TMOD4: variants seen among roughly 807,000 people sequenced by gnomAD.
TMOD4 encodes the protein tropomodulin 4.
A neutral mutation model predicts 45.4 loss-of-function variants in TMOD4; 34 were observed. The observed-to-expected ratio is 0.75, with a 90% CI of 0.57 to 1.00. TMOD4 has a LOEUF of 1.00. Ranked by LOEUF, TMOD4 falls within the 50% of genes least tolerant of loss-of-function variation. The pLI, the probability that TMOD4 is intolerant of heterozygous loss-of-function variation, is 0.00. For missense variants in TMOD4, 399 were observed against 437.5 expected (o/e 0.91, Z 0.78); for synonymous variants, 131 against 153.9 (o/e 0.85, Z 1.10).
intron 3 of TMOD4, among the ~76,000 whole-genome samples, chr1:151,173,933 C>T (rs182059757): frequency 2.0e-4 from 29 of 145,374 alleles, no homozygotes; most frequent in African/African-American, 2.8e-4. Context: ...AAAAAATTAG[C>T]GGCCGGGCAC....
chr1:151,171,178 G>A (rs1683941705), intron 7 of TMOD4, 115 bp from the exon 8 acceptor site: 2 of 1,227,458 alleles, frequency 1.6e-6, no homozygotes, highest in Non-Finnish European at 2.3e-6. Context: ...TTCAGGTGCT[G>A]TAAATGGAGC....
chr1:151,171,412 G>T, intron 7 of TMOD4, 21 bp downstream of exon 7: 1 of 1,597,660 alleles, frequency 6.3e-7, no homozygotes, highest in Non-Finnish European at 8.6e-7. Context: ...GGAGAGGGCT[G>T]GGGATGTCAA....
intron 3 of TMOD4, among the ~76,000 whole-genome samples, 181 bp downstream of exon 3, chr1:151,174,210 C>T (rs1375239831): frequency 6.6e-6 from 1 of 151,590 alleles, no homozygotes; most frequent in East Asian, 1.9e-4. Context: ...AGTGAGACTC[C>T]GTCTCAAACA....
At chr1:151,174,577 G>A (rs1558210386) in intron 2 of TMOD4, 30 bp from the exon 3 acceptor site, 1 of 1,611,820 alleles carries the variant, frequency 6.2e-7, no homozygotes, top group East Asian at 2.2e-5. Context: ...GAGCAAGTCA[G>A]ACCTCCCCTC....
chr1:151,173,724 A>G, intron 3 of TMOD4, 109 bp from the exon 4 acceptor site: 2 of 800,216 alleles, frequency 2.5e-6, no homozygotes, highest in South Asian at 3.0e-5. Context: ...ACGAAGGGAC[A>G]CTGGAAAGCC....
At chr1:151,170,364 G>T in intron 9 of TMOD4, 155 bp downstream of exon 9, 1 of 1,236,898 alleles carries the variant, frequency 8.1e-7, no homozygotes, top group Non-Finnish European at 1.1e-6. Context: ...GGAGTTTTCT[G>T]TTTACTTTCT....
In TMOD4 at chr1:151,171,656, C is replaced by T. The variant is rs1425557899; in HGVS notation, c.595G>A (p.Glu199Lys). 1.9e-6 allele frequency: 3 copies of T among 1,614,008 alleles called. No individual in the cohort carries two copies. The highest frequency in any genetic ancestry group is 2.2e-5 in the South Asian group (2 of 91,082). Residue 199 changes from glutamate (E) to lysine (K), a missense_variant, in exon 6 of 10, where the codon GAG (glutamate) becomes AAG (lysine). Physicochemically the swap from Glu to Lys is moderately conservative, Grantham distance 56 (BLOSUM62 1). Transcript: ENST00000295314. ...RVRSNDKELEEVNLNNIQDIP... is the reference protein window; with the variant it reads ...RVRSNDKELEKVNLNNIQDIP... ...ACCTGTATATTATTCAAGTTCACCT[C>T]CTCCAGCTCCTTGTCATTGCTTCGG...
intron 8 of TMOD4, 114 bp downstream of exon 8, chr1:151,170,806 G>GA: frequency 6.6e-7 from 1 of 1,516,216 alleles, no homozygotes; most frequent in Non-Finnish European, 8.9e-7. Context: ...CCCTCACAGA[G>GA]ACAATGAAGA....
chr1:151,170,043 A>C lies in TMOD4; in HGVS notation c.*38T>G. 2 of 1,613,146 alleles carry C rather than the reference A, an allele frequency of 1.2e-6. No individual in the cohort carries two copies. The highest frequency in any genetic ancestry group is 1.7e-6 in the Non-Finnish European group (2 of 1,179,090). On this transcript the variant is annotated 3_prime_UTR_variant, in exon 10 of 10. Transcript: ENST00000295314. Reference sequence around the variant, plus strand: ...AGGACAGATGAGGATTTAAGTGTCCAGTGCTCCCAGCGCTAGTTGGTAAAG... The same window carrying C: ...AGGACAGATGAGGATTTAAGTGTCCCGTGCTCCCAGCGCTAGTTGGTAAAG...
intron 1 of TMOD4, chr1:151,175,243 G>A (rs1350466214): frequency 4.8e-6 from 1 of 208,122 alleles, no homozygotes; most frequent in Non-Finnish European, 9.8e-6. Context: ...CACAGCTGCT[G>A]GAAGCCCTGC....
In TMOD4 at chr1:151,171,523, C is replaced by T; in HGVS notation, c.636G>A (p.Met212Ile). 1.2e-6 allele frequency: 2 copies of T among 1,614,150 alleles called. No individual in the cohort carries two copies. The highest frequency in any genetic ancestry group is 1.7e-6 in the Non-Finnish European group (2 of 1,180,038). ...TCATTGCCTCACACAGCTCACTTAG[C>T]ATGGGTATTGGGATGTCCTATCGGA... ...LNNIQDIPIP[M>I]LSELCEAMKA... The change falls in exon 7 of 10, where the codon ATG becomes ATA. Residue 212 changes from methionine to isoleucine, a missense_variant. By Grantham distance (10) the Met-to-Ile change is conservative. Coordinates refer to ENST00000295314, the MANE Select transcript of TMOD4 (RefSeq NM_013353.3).
At position 151,171,680 on chromosome 1, in the gene TMOD4, G is replaced by T; in HGVS notation, c.571C>A (p.Arg191=). The change falls in exon 6 of 10, where the codon CGA becomes AGA. Residue 191 remains arginine, a synonymous_variant. Coordinates refer to ENST00000295314, the MANE Select transcript of TMOD4 (RefSeq NM_013353.3). ...TCCTCCAGCTCCTTGTCATTGCTTC[G>T]GACCCTCTTTAGTATCTCCTCAATG... The part of the protein sequence containing the change: ...TNIEEILKRV[R]SNDKELEEVN... 1 of 1,613,996 alleles carries T rather than the reference G, an allele frequency of 6.2e-7. No homozygotes were observed. Among genetic ancestry groups the T allele is most frequent in the Non-Finnish European group, 8.5e-7 (1 of 1,180,004 alleles).
At position 151,170,078 on chromosome 1, in the gene TMOD4, G is replaced by GTGT. The variant is rs766079291; in HGVS notation, c.1038_*2dup. ...GCGCTAGTTGGTAAAGGGAAATGCA[G>GTGT]TGTTATCTCTTCTTTTGCTGGCGAC... On this transcript the variant is annotated 3_prime_UTR_variant, in exon 10 of 10. Coordinates refer to ENST00000295314, the MANE Select transcript of TMOD4 (RefSeq NM_013353.3). 51 of 1,614,158 alleles carry GTGT rather than the reference G, an allele frequency of 3.2e-5. 1 individual carries two copies. Among genetic ancestry groups the GTGT allele is most frequent in the Non-Finnish European group, 4.2e-5 (50 of 1,180,006 alleles).
At chr1:151,175,333 CCT>C (rs1684069629) in intron 1 of TMOD4, 1 of 155,800 alleles carries the variant, frequency 6.4e-6, no homozygotes, top group Non-Finnish European at 1.4e-5. Context: ...GGAAATTCCT[CCT>C]CTCCTCCTCA....
At position 151,174,927 on chromosome 1, in the gene TMOD4, A is replaced by G; in HGVS notation, c.-42-10T>C. 6.2e-7 allele frequency: 1 copy of G among 1,611,262 alleles called. No homozygotes were observed. ...GTGGTACTCACAGAGCCTGGGCAAC[A>G]TGGGACAAAAGGATGGACAATGGTA... On this transcript the variant is annotated splice_polypyrimidine_tract_variant and intron_variant, in intron 1 of 9. Transcript: ENST00000295314.
chr1:151,171,795 C>A, intron 5 of TMOD4, 32 bp from the exon 6 acceptor site: 1 of 1,601,228 alleles, frequency 6.2e-7, no homozygotes, highest in Non-Finnish European at 8.5e-7. Context: ...GGAACCCCAA[C>A]ATGTTCCCCA....
rs757438586 is a variant in TMOD4, at chr1:151,174,841, C to G, written c.35G>C (p.Arg12Thr). 2 of 1,614,228 alleles carry G rather than the reference C, an allele frequency of 1.2e-6. No homozygotes were observed. Among genetic ancestry groups the G allele is most frequent in the South Asian group, 2.2e-5 (2 of 91,088 alleles). The change falls in exon 2 of 10, where the codon AGA (arginine) becomes ACA (threonine). Residue 12 changes from arginine to threonine, a missense_variant. Coordinates refer to ENST00000295314, the MANE Select transcript of TMOD4 (RefSeq NM_013353.3). ...SSYQKELEKY[R>T]DIDEDEILRT... is the part of the protein sequence containing the mutation. ...TAGGATCTCATCTTCATCTATGTCT[C>G]TGTATTTCTCCAGTTCCTTCTGATA...
intron 8 of TMOD4, 82 bp from the exon 9 acceptor site, chr1:151,170,745 C>G (rs1376631357): frequency 3.2e-6 from 5 of 1,567,158 alleles, no homozygotes; most frequent in Admixed American, 1.8e-5. Context: ...TTTGGGAGGT[C>G]AAAGAAGCTT....
At position 151,171,737 on chromosome 1, in the gene TMOD4, G is replaced by A. The variant is rs1312758027; in HGVS notation, c.514C>T (p.Pro172Ser). ...GGATTTGGGGGTTCATCCGGCACTG[G>A]CTTATACTTGTCAGGCTGTACCACA... ...SSVVQPDKYK[P>S]VPDEPPNPTN... The change falls in exon 6 of 10, where the codon CCA becomes TCA. Residue 172 changes from proline to serine, a missense_variant. Physicochemically the swap from Pro to Ser is moderately conservative, Grantham distance 74. Coordinates refer to ENST00000295314, the MANE Select transcript of TMOD4 (RefSeq NM_013353.3). The A allele has an allele frequency of 6.2e-7, 1 of 1,613,930 alleles. No individual in the cohort carries two copies. The highest frequency in any genetic ancestry group is 1.1e-5 in the South Asian group (1 of 91,074).
Sources: gnomAD v4.1 joint callset for allele counts (sites outside exome capture counted in the v4.1 genomes callset) on GRCh38, gnomAD v4.1.1 for gene constraint, MANE v1.5 for transcripts, NCBI Gene and HGNC (gene_info 2026-07-23, HGNC 2026-07-21) for gene names.